NIPAL3: variants seen among roughly 807,000 people sequenced by gnomAD.
NIPAL3 encodes the protein NIPA like domain containing 3.
Under a neutral mutation model 47.2 loss-of-function variants are expected in NIPAL3, and 41 were observed. The observed-to-expected ratio is 0.87, with a 90% CI of 0.68 to 1.13. The LOEUF is 1.13. NIPAL3 is among the 50% of genes most tolerant of loss of function. The probability of loss-of-function intolerance (pLI) is 0.00; values close to 1 mark genes in which losing one functional copy is unlikely to be tolerated. For missense variants in NIPAL3, 449 were observed against 530.1 expected (o/e 0.85, Z 1.50); for synonymous variants, 194 against 209.6 (o/e 0.93, Z 0.64).
intron 2 of NIPAL3, among the ~76,000 whole-genome samples, chr1:24,425,130 A>G (rs1414179397): frequency 6.6e-6 from 1 of 152,108 alleles, no homozygotes. Context: ...CAGCTGGGAA[A>G]AGTCAGGTCT....
rs1646043971 is a variant in NIPAL3, at chr1:24,453,505, G to T, written c.637+1G>T. On this transcript the variant is annotated splice_donor_variant, in intron 7 of 11. Transcript: ENST00000374399. LOFTEE classifies it high-confidence loss of function. ...ATTCTTCTCTTGGTGGCGTTACTTGGTAAGTTGGCATCTGGATGATTGAGT... is the reference window on the plus strand; with the variant it reads ...ATTCTTCTCTTGGTGGCGTTACTTGTTAAGTTGGCATCTGGATGATTGAGT... 3.1e-6 allele frequency: 5 copies of T among 1,612,004 alleles called. No individual in the cohort carries two copies. The highest frequency in any genetic ancestry group is 4.2e-6 in the Non-Finnish European group (5 of 1,178,778).
At chr1:24,432,199 G>A (rs1482248331) in intron 2 of NIPAL3, among the ~76,000 whole-genome samples, 1 of 152,060 alleles carries the variant, frequency 6.6e-6, no homozygotes, top group Non-Finnish European at 1.5e-5. Flanking sequence ...GCACAACCTC[G>A]GCTCACTGCA....
intron 2 of NIPAL3, among the ~76,000 whole-genome samples, chr1:24,437,310 A>G (rs1645167873): frequency 6.6e-6 from 1 of 152,232 alleles, no homozygotes; most frequent in African/African-American, 2.4e-5. Context: ...TAGATGTATA[A>G]TAATTAGTTC....
In NIPAL3 at chr1:24,464,136, C is replaced by A. The variant is rs747390993; in HGVS notation, c.1021+16C>A. 1 of 1,601,678 alleles carries A rather than the reference C, an allele frequency of 6.2e-7. No individual in the cohort carries two copies. Among genetic ancestry groups the A allele is most frequent in the Non-Finnish European group, 8.5e-7 (1 of 1,170,110 alleles). On this transcript the variant is annotated intron_variant, in intron 11 of 11. Coordinates refer to ENST00000374399, the MANE Select transcript of NIPAL3 (RefSeq NM_020448.5). ...GCCATGCCAGGTAAGGTTAAAGCCCCGTGGGTCTAGCTGAACATCCATATA... is the reference window on the plus strand; with the variant it reads ...GCCATGCCAGGTAAGGTTAAAGCCCAGTGGGTCTAGCTGAACATCCATATA...
chr1:24,437,634 G>A lies in NIPAL3; in HGVS notation c.94-2538G>A, dbSNP rs546491489. On this transcript the variant is annotated intron_variant, in intron 2 of 11. Coordinates refer to ENST00000374399, the MANE Select transcript of NIPAL3 (RefSeq NM_020448.5). Reference sequence around the variant, plus strand: ...GGATGGCCCCAGGGTCCTGAGGAGCGACAACTAATGATTTGCTCAGGCCTC... The same window carrying A: ...GGATGGCCCCAGGGTCCTGAGGAGCAACAACTAATGATTTGCTCAGGCCTC... Among the ~76,000 whole-genome samples the A allele has an allele frequency of 6.7e-4, 102 of 151,766 alleles. 1 individual carries two copies. In the Middle Eastern group the frequency reaches 0.01, roughly 15 times the overall value.
intron 4 of NIPAL3, 79 bp downstream of exon 4, chr1:24,442,305 GC>G: frequency 6.6e-7 from 1 of 1,506,310 alleles, no homozygotes; most frequent in Non-Finnish European, 9.0e-7. Flanking sequence ...GATCAAAGGT[GC>G]CCATTGAACA....
chr1:24,438,358 G>A (rs1645221171), intron 2 of NIPAL3, among the ~76,000 whole-genome samples: 1 of 152,180 alleles, frequency 6.6e-6, no homozygotes, highest in Non-Finnish European at 1.5e-5. Flanking sequence ...GGGTCCCCTG[G>A]CTCCACATCT....
rs369779259 is a variant in NIPAL3, at chr1:24,453,420, A to G, written c.553A>G (p.Ile185Val). ...PFLLYMLVEI[I>V]LFCLLLYFYK... ...CTGCCTTCCACAGCTGGTGGAGATCATTCTGTTCTGCTTGCTGCTCTACTT... is the reference window on the plus strand; with the variant it reads ...CTGCCTTCCACAGCTGGTGGAGATCGTTCTGTTCTGCTTGCTGCTCTACTT... Residue 185 changes from isoleucine to valine, a missense_variant, in exon 7 of 12, where the codon ATT becomes GTT. Coordinates refer to ENST00000374399, the MANE Select transcript of NIPAL3 (RefSeq NM_020448.5). 5.6e-6 allele frequency: 9 copies of G among 1,612,762 alleles called. No individual in the cohort carries two copies. In the Admixed American group the frequency reaches 1.3e-4, roughly 24 times the overall value.
intron 9 of NIPAL3, among the ~76,000 whole-genome samples, chr1:24,460,234 G>A (rs1217585698): frequency 6.6e-6 from 1 of 152,156 alleles, no homozygotes; most frequent in Non-Finnish European, 1.5e-5. Flanking sequence ...CCATTTTTGT[G>A]AGTCTAATAT....
intron 4 of NIPAL3, among the ~76,000 whole-genome samples, chr1:24,443,174 A>G (rs1330302196): frequency 6.6e-6 from 1 of 152,210 alleles, no homozygotes; most frequent in Non-Finnish European, 1.5e-5. Context: ...CATTTGAACC[A>G]ACTAAAAGAC....
At chr1:24,461,456 C>T (rs1646465263) in intron 10 of NIPAL3, among the ~76,000 whole-genome samples, 1 of 150,534 alleles carries the variant, frequency 6.6e-6, no homozygotes, top group African/African-American at 2.5e-5. Flanking sequence ...GCAGGAGAAT[C>T]ACTTGAACCC....
Position 24,470,280 on chromosome 1 carries a change from T to C in NIPAL3, c.*1095T>C, listed in dbSNP as rs1297321303. On this transcript the variant is annotated 3_prime_UTR_variant, in exon 12 of 12. Coordinates refer to ENST00000374399, the MANE Select transcript of NIPAL3 (RefSeq NM_020448.5). ...ATGTGACTGTCTTCCCCTAGACTGA[T>C]GGTATACTTTTGAGAGGGGCGGATA... is the stretch of plus-strand genomic sequence containing the variant. The C allele has an allele frequency of 6.6e-6, 1 of 152,250 alleles. No homozygotes were observed. Among genetic ancestry groups the C allele is most frequent in the Non-Finnish European group, 1.5e-5 (1 of 68,060 alleles). The allele number at this position is 152,250 out of a possible 1,614,324, so 9.4% of individuals were successfully genotyped here.
At chr1:24,465,119 C>G (rs894283966) in intron 11 of NIPAL3, 1 of 152,126 alleles carries the variant, frequency 6.6e-6, no homozygotes, top group African/African-American at 2.4e-5. Context: ...CTCCTTCAAC[C>G]CAGCTTGTTC....
intron 11 of NIPAL3, 120 bp downstream of exon 11, chr1:24,464,240 G>A (rs1646604046): frequency 4.2e-6 from 3 of 715,928 alleles, no homozygotes; most frequent in African/African-American, 1.8e-5. Context: ...TTCTCTCACT[G>A]TCTTTTTTCT....
chr1:24,431,844 C>T lies in NIPAL3; in HGVS notation c.94-8328C>T, dbSNP rs953717518. Among the ~76,000 whole-genome samples, 15 of 151,956 alleles carry T rather than the reference C, an allele frequency of 9.9e-5. No individual in the cohort carries two copies. The East Asian group carries it at 2.7e-3, about 27-fold the overall frequency. On this transcript the variant is annotated intron_variant, in intron 2 of 11. Coordinates refer to ENST00000374399, the MANE Select transcript of NIPAL3 (RefSeq NM_020448.5). ...ATGCGTTGTGGAACAGCTTTCTGCACCCCACCCCCACCACTCCAGGTCTTC... is the reference window on the plus strand; with the variant it reads ...ATGCGTTGTGGAACAGCTTTCTGCATCCCACCCCCACCACTCCAGGTCTTC...
At chr1:24,468,700 C>T (rs565922443) in intron 11 of NIPAL3, among the ~76,000 whole-genome samples, 1 of 152,326 alleles carries the variant, frequency 6.6e-6, no homozygotes, top group African/African-American at 2.4e-5. Flanking sequence ...ACCTGGGGCC[C>T]ACACCGACAT....
Position 24,457,616 on chromosome 1 carries a change from C to T in NIPAL3, c.774-1272C>T, listed in dbSNP as rs142422285. The T allele has an allele frequency of 5.0e-5, 20 of 398,634 alleles. No homozygotes were observed. The East Asian group carries it at 7.8e-4, about 15-fold the overall frequency. The allele number at this position is 398,634 out of a possible 1,614,324, so 24.7% of individuals were successfully genotyped here. A position where few individuals can be genotyped will look rare whatever the true frequency, so the allele number is the denominator to read the frequency against. On this transcript the variant is annotated intron_variant, in intron 8 of 11. Coordinates refer to ENST00000374399, the MANE Select transcript of NIPAL3 (RefSeq NM_020448.5). ...CAGGATATTATCCCCATTTTGCATA[C>T]GAGGAACTGATGCGGAGAGAGTAAG...
Position 24,449,756 on chromosome 1 carries a change from G to C in NIPAL3, c.540+130G>C. 1 of 1,012,540 alleles carries C rather than the reference G, an allele frequency of 9.9e-7. No individual in the cohort carries two copies. The highest frequency in any genetic ancestry group is 1.4e-6 in the Non-Finnish European group (1 of 703,510). 62.7% of individuals were successfully genotyped at this position (1,012,540 alleles called of 1,614,324 possible). A position where few individuals can be genotyped will look rare whatever the true frequency, so the allele number is the denominator to read the frequency against. On this transcript the variant is annotated intron_variant, in intron 6 of 11. Coordinates refer to ENST00000374399, the MANE Select transcript of NIPAL3 (RefSeq NM_020448.5). The surrounding 1 kb of genome is among the most constrained non-coding windows in gnomAD (Gnocchi z 4.5). The stretch of plus-strand genomic sequence containing the variant: ...GCACATTTTACCAGCATGAAAGACC[G>C]TGCTTCTGGAGAGTACACAGCTCAT...
chr1:24,429,173 G>T (rs2148772537), intron 2 of NIPAL3, among the ~76,000 whole-genome samples: 1 of 152,266 alleles, frequency 6.6e-6, no homozygotes, highest in African/African-American at 2.4e-5. Context: ...ACTTTGGAAG[G>T]CCGAGGTGGG....
Sources: allele counts gnomAD v4.1 joint callset (sites outside exome capture counted in the v4.1 genomes callset), GRCh38; gene constraint gnomAD v4.1.1; non-coding constraint Gnocchi (gnomAD v3.1); transcripts MANE v1.5; gene names NCBI Gene and HGNC (gene_info 2026-07-23, HGNC 2026-07-21).